The following UGT1A7 variants were observed in gnomAD, a reference collection of about 807,000 sequenced individuals.
UGT1A7 encodes the protein UDP-glucuronosyltransferase 1A7.
Under a neutral mutation model 45.6 loss-of-function variants are expected in UGT1A7, and 33 were observed. That is an observed-to-expected ratio of 0.72 (90% confidence interval 0.55 to 0.97). UGT1A7 has a LOEUF of 0.97. UGT1A7 is among the 50% of genes least tolerant of loss of function. The probability of loss-of-function intolerance (pLI) is 0.00; values close to 1 mark genes in which losing one functional copy is unlikely to be tolerated. For synonymous variants in UGT1A7, 274 were observed against 250.6 expected (o/e 1.09, Z -0.88); for missense variants, 684 against 666.2 (o/e 1.03, Z -0.29).
chr2:233,749,355 G>C (rs1054552103), intron 1 of UGT1A7, among the ~76,000 whole-genome samples: 3 of 151,804 alleles, frequency 2.0e-5, no homozygotes, highest in African/African-American at 4.9e-5. Flanking sequence ...AATTTAAATA[G>C]TGACTCTTGC....
intron 1 of UGT1A7, among the ~76,000 whole-genome samples, chr2:233,687,643 A>G (rs1430183342): frequency 6.6e-6 from 1 of 151,812 alleles, no homozygotes; most frequent in Non-Finnish European, 1.5e-5. Flanking sequence ...TGGCTCACAC[A>G]TGTAATCACA....
At chr2:233,766,321 C>T (rs1182863859) in intron 1 of UGT1A7, among the ~76,000 whole-genome samples, 1 of 152,172 alleles carries the variant, frequency 6.6e-6, no homozygotes. Flanking sequence ...CTCAGCCAAA[C>T]TCCGCGTTGT....
At position 233,761,196 on chromosome 2, in the gene UGT1A7, T is replaced by C. The variant is rs761284519; in HGVS notation, c.856-5838T>C. 5.6e-6 allele frequency: 9 copies of C among 1,614,024 alleles called. No homozygotes were observed. The East Asian group carries it at 2.0e-4, about 36-fold the overall frequency. Reference sequence around the variant, plus strand: ...TTTTACATGCGTATATTCTTTCAGATGTATTACTTTGGATCGATTAACTAG... The same window carrying C: ...TTTTACATGCGTATATTCTTTCAGACGTATTACTTTGGATCGATTAACTAG... On this transcript the variant is annotated intron_variant, in intron 1 of 4. Transcript: ENST00000373426.
chr2:233,714,052 C>G (rs2076362832), intron 1 of UGT1A7, among the ~76,000 whole-genome samples: 1 of 152,078 alleles, frequency 6.6e-6, no homozygotes, highest in Non-Finnish European at 1.5e-5. Context: ...TCAATGGCCA[C>G]TGAGAGGAAG....
chr2:233,701,994 C>G (rs1220437125), intron 1 of UGT1A7, among the ~76,000 whole-genome samples: 1 of 152,050 alleles, frequency 6.6e-6, no homozygotes, highest in East Asian at 1.9e-4. Context: ...TAACTAAGAT[C>G]AGAGCAGAAC....
chr2:233,700,815 G>T (rs940523054), intron 1 of UGT1A7, among the ~76,000 whole-genome samples: 1 of 151,950 alleles, frequency 6.6e-6, no homozygotes, highest in African/African-American at 2.4e-5. Flanking sequence ...TTGGTGTGCT[G>T]CACCCATTAA....
chr2:233,758,651 G>A (rs1039863868), intron 1 of UGT1A7, among the ~76,000 whole-genome samples: 3 of 151,900 alleles, frequency 2.0e-5, no homozygotes, highest in African/African-American at 7.3e-5. Context: ...AGAATGAGAG[G>A]GTACCCTAAT....
At chr2:233,766,090 G>A (rs1699047199) in intron 1 of UGT1A7, among the ~76,000 whole-genome samples, 1 of 152,166 alleles carries the variant, frequency 6.6e-6, no homozygotes, top group Admixed American at 6.5e-5. Flanking sequence ...CAAGGACAGA[G>A]GGCTTTCTGT....
intron 1 of UGT1A7, among the ~76,000 whole-genome samples, chr2:233,731,463 G>A (rs540385955): frequency 1.5e-4 from 23 of 152,134 alleles, no homozygotes; most frequent in Admixed American, 1.0e-3. Flanking sequence ...AGGCCCTGGC[G>A]TGTGATGTTC....
rs1043133002 is a variant in UGT1A7, at chr2:233,769,410, C to T, written c.1295+971C>T. On this transcript the variant is annotated intron_variant, in intron 4 of 4. Transcript: ENST00000373426. This position sits in a 1 kb window ranked among gnomAD's most constrained non-coding sequence, Gnocchi z 4.4. ...GATACTGTGTGCATATGTGCGTGTG[C>T]GTTTGTGCATGTGGCTGTGCTCATG... is the stretch of plus-strand genomic sequence containing the variant. 3.7e-5 allele frequency: 49 copies of T among 1,332,922 alleles called. No homozygotes were observed. The highest frequency in any genetic ancestry group is 1.1e-4 in the Admixed American group (6 of 53,448). The allele number at this position is 1,332,922 out of a possible 1,614,324, so 82.6% of individuals were successfully genotyped here.
chr2:233,693,387 G>A, intron 1 of UGT1A7: 1 of 1,614,130 alleles, frequency 6.2e-7, no homozygotes, highest in Non-Finnish European at 8.5e-7. Context: ...AACTGCCAGA[G>A]CCTCCTGCAG....
Position 233,701,435 on chromosome 2 carries a change from C to T in UGT1A7, c.855+18643C>T, listed in dbSNP as rs1178941993. 5.3e-5 allele frequency among the ~76,000 whole-genome samples: 8 copies of T among 152,034 alleles called. 1 individual carries two copies. Among genetic ancestry groups the T allele is most frequent in the East Asian group, 1.9e-4 (1 of 5,192 alleles). On this transcript the variant is annotated intron_variant, in intron 1 of 4. Transcript: ENST00000373426. ...CCACTGTCAACATTAGACAGATCAA[C>T]GAGACAGAAAGTTAACAAGGATACC...
At chr2:233,730,371 T>C (rs1375924319) in intron 1 of UGT1A7, among the ~76,000 whole-genome samples, 1 of 152,196 alleles carries the variant, frequency 6.6e-6, no homozygotes, top group Non-Finnish European at 1.5e-5. Flanking sequence ...AGCATGATTT[T>C]CAGGGGAAAG....
intron 1 of UGT1A7, among the ~76,000 whole-genome samples, chr2:233,709,024 G>A (rs994653845): frequency 6.6e-6 from 1 of 152,068 alleles, no homozygotes; most frequent in Non-Finnish European, 1.5e-5. Flanking sequence ...CAAGCAGCAG[G>A]GGCTTCAGCC....
At chr2:233,726,774 A>G (rs1289365787) in intron 1 of UGT1A7, among the ~76,000 whole-genome samples, 2 of 152,220 alleles carry the variant, frequency 1.3e-5, no homozygotes, top group African/African-American at 4.8e-5. Flanking sequence ...CTAAGCTTAA[A>G]GTGAAACCCA....
intron 1 of UGT1A7, among the ~76,000 whole-genome samples, chr2:233,759,599 A>ACCCCCCCCCCCCC (rs1553620419): frequency 1.6e-4 from 17 of 108,720 alleles, no homozygotes; most frequent in African/African-American, 3.6e-4. Context: ...CCCACCCCCG[A>ACCCCCCCCCCCCC]CCCGCCCCAC....
intron 1 of UGT1A7, among the ~76,000 whole-genome samples, chr2:233,744,770 A>G (rs1692917910): frequency 6.6e-6 from 1 of 151,946 alleles, no homozygotes. Context: ...TTAACTTTGC[A>G]AAATTCTCCT....
intron 1 of UGT1A7, chr2:233,761,078 A>G: frequency 3.7e-6 from 6 of 1,614,128 alleles, no homozygotes; most frequent in Non-Finnish European, 5.1e-6. Flanking sequence ...GTGAAGGATT[A>G]CCCTAGGCCC....
At position 233,719,785 on chromosome 2, in the gene UGT1A7, A is replaced by G. The variant is rs1575529784; in HGVS notation, c.855+36993A>G. 1.1e-5 allele frequency: 18 copies of G among 1,610,188 alleles called. No homozygotes were observed. In the East Asian group the frequency reaches 3.8e-4, roughly 34 times the overall value. ...TGCTTCCATATCTACTTATCTTTCC[A>G]AAGATTTTATTTTGGCTTCTTTATA... On this transcript the variant is annotated intron_variant, in intron 1 of 4. Transcript: ENST00000373426.
Sources: allele counts gnomAD v4.1 joint callset (sites outside exome capture counted in the v4.1 genomes callset), GRCh38; gene constraint gnomAD v4.1.1; non-coding constraint Gnocchi (gnomAD v3.1); transcripts MANE v1.5; gene names NCBI Gene and HGNC (gene_info 2026-07-23, HGNC 2026-07-21).